CA5A: variants seen among roughly 807,000 people sequenced by gnomAD.
The protein encoded by CA5A is carbonic anhydrase 5A, mitochondrial.
A neutral mutation model predicts 37.1 loss-of-function variants in CA5A; 28 were observed. That is an observed-to-expected ratio of 0.75 (90% CI 0.56 to 1.03). The LOEUF is 1.03. CA5A is among the 50% of genes least tolerant of loss of function. The probability of loss-of-function intolerance (pLI) is 0.00; values close to 1 mark genes in which losing one functional copy is unlikely to be tolerated. For missense variants in CA5A, 444 were observed against 399.9 expected (o/e 1.11, Z -0.94); for synonymous variants, 171 against 158.4 (o/e 1.08, Z -0.60).
chr16:87,902,627 C>T, intron 3 of CA5A, 107 bp from the exon 4 acceptor site: 1 of 707,250 alleles, frequency 1.4e-6, no homozygotes, highest in Non-Finnish European at 2.6e-6. Context: ...AATGAAATGG[C>T]CAGGCGCGGT....
intron 2 of CA5A, among the ~76,000 whole-genome samples, chr16:87,915,598 A>T (rs2056127179): frequency 9.6e-6 from 1 of 103,858 alleles, no homozygotes; most frequent in Non-Finnish European, 1.7e-5. Flanking sequence ...CTGAGGTGGG[A>T]GGATCAATTG....
At position 87,936,528 on chromosome 16, in the gene CA5A, C is replaced by T. The variant is rs1597597422; in HGVS notation, c.-78G>A. 1.3e-6 allele frequency: 2 copies of T among 1,577,016 alleles called. No individual in the cohort carries two copies. Among genetic ancestry groups the T allele is most frequent in the Middle Eastern group, 2.3e-4 (1 of 4,306 alleles). ...TCTGTTCTCACTTTGATCAGGACCACTGTGGACTGGCGTGTACCCACCTCT... is the reference window on the plus strand; with the variant it reads ...TCTGTTCTCACTTTGATCAGGACCATTGTGGACTGGCGTGTACCCACCTCT... On this transcript the variant is annotated 5_prime_UTR_variant, in exon 1 of 7. It adds an upstream start codon to the 5' untranslated region. Transcript: ENST00000649794.
intron 5 of CA5A, among the ~76,000 whole-genome samples, chr16:87,896,302 T>C (rs552783859): frequency 4.1e-4 from 62 of 152,282 alleles, no homozygotes; most frequent in Non-Finnish European, 6.9e-4. Flanking sequence ...GTAGGTTTCT[T>C]GCCAATTAAG....
At chr16:87,918,785 T>C (rs2056190947) in intron 2 of CA5A, among the ~76,000 whole-genome samples, 1 of 152,164 alleles carries the variant, frequency 6.6e-6, no homozygotes, top group African/African-American at 2.4e-5. Flanking sequence ...GTCCTTCATC[T>C]GAGGTTCTCA....
intron 6 of CA5A, among the ~76,000 whole-genome samples, chr16:87,888,996 C>T (rs563194868): frequency 3.8e-4 from 58 of 151,514 alleles, no homozygotes; most frequent in South Asian, 1.7e-3. Context: ...CTTTGCTCAC[C>T]GCAACTTCTG....
At chr16:87,898,816 C>G (rs992779990) in intron 5 of CA5A, among the ~76,000 whole-genome samples, 1 of 149,276 alleles carries the variant, frequency 6.7e-6, no homozygotes, top group African/African-American at 2.5e-5. Context: ...CTCACTGCAA[C>G]CTCCGTCTCC....
At chr16:87,896,842 G>T (rs892383958) in intron 5 of CA5A, among the ~76,000 whole-genome samples, 8 of 152,196 alleles carry the variant, frequency 5.3e-5, no homozygotes, top group African/African-American at 1.9e-4. Flanking sequence ...GTTTCTCTAT[G>T]TTGGTCAGGC....
downstream of CA5A, chr16:87,887,241 G>A (rs143181315): frequency 0.013 from 1,970 of 151,810 alleles, 19 homozygotes; most frequent in Non-Finnish European, 0.02. Flanking sequence ...ATCAAATTGT[G>A]TATGTTTTCT....
intron 3 of CA5A, 111 bp from the exon 4 acceptor site, chr16:87,902,631 G>A (rs1387245231): frequency 1.7e-5 from 12 of 692,666 alleles, no homozygotes; most frequent in Middle Eastern, 2.7e-4. Context: ...AAATGGCCAG[G>A]CGCGGTGGCT....
At chr16:87,932,342 C>T (rs1311195676) in intron 1 of CA5A, among the ~76,000 whole-genome samples, 5 of 152,190 alleles carry the variant, frequency 3.3e-5, no homozygotes, top group Non-Finnish European at 5.9e-5. Flanking sequence ...TTCCCTGGCT[C>T]ACAGAGACAC....
chr16:87,889,757 G>C (rs925952596), intron 6 of CA5A, among the ~76,000 whole-genome samples: 2 of 151,878 alleles, frequency 1.3e-5, no homozygotes, highest in African/African-American at 4.8e-5. Flanking sequence ...GGCAAGAAGA[G>C]GGAAACTCCA....
chr16:87,898,464 A>C (rs2055832817), intron 5 of CA5A, among the ~76,000 whole-genome samples: 1 of 152,228 alleles, frequency 6.6e-6, no homozygotes, highest in Non-Finnish European at 1.5e-5. Context: ...TCATTCTAAA[A>C]TTTCATGGGC....
At chr16:87,921,627 C>G (rs534333132) in intron 2 of CA5A, among the ~76,000 whole-genome samples, 5 of 152,300 alleles carry the variant, frequency 3.3e-5, no homozygotes, top group East Asian at 1.9e-4. Flanking sequence ...TTCTGGACCC[C>G]GTGAATGGGA....
chr16:87,935,955 G>A (rs897927933), intron 1 of CA5A, among the ~76,000 whole-genome samples: 6 of 152,026 alleles, frequency 3.9e-5, no homozygotes, highest in East Asian at 1.9e-4. Flanking sequence ...GGCGGATCGC[G>A]AGGTTAGGAG....
chr16:87,908,039 G>A (rs1459121600), intron 2 of CA5A, among the ~76,000 whole-genome samples: 1 of 152,212 alleles, frequency 6.6e-6, no homozygotes, highest in African/African-American at 2.4e-5. Flanking sequence ...ACCCTCATGG[G>A]ATGAATGAAT....
intron 1 of CA5A, among the ~76,000 whole-genome samples, chr16:87,932,195 C>CG (rs1345799868): frequency 1.3e-5 from 2 of 152,132 alleles, no homozygotes; most frequent in African/African-American, 4.8e-5. Context: ...CTCTACCCCC[C>CG]CTCCCACGGC....
At chr16:87,901,356 A>T (rs932193053) in intron 5 of CA5A, among the ~76,000 whole-genome samples, 3 of 152,206 alleles carry the variant, frequency 2.0e-5, no homozygotes, top group African/African-American at 7.2e-5. Context: ...TGAGCTCAAC[A>T]CCCTTATTTT....
intron 2 of CA5A, chr16:87,924,321 C>A (rs766107241): frequency 2.0e-6 from 2 of 984,978 alleles, no homozygotes; most frequent in East Asian, 1.1e-4. Flanking sequence ...ATACAGGCAG[C>A]GTGGCTCCTT....
At chr16:87,901,123 G>A (rs2055871783) in intron 5 of CA5A, among the ~76,000 whole-genome samples, 1 of 152,186 alleles carries the variant, frequency 6.6e-6, no homozygotes, top group Non-Finnish European at 1.5e-5. Context: ...CCAGCCGCAT[G>A]GGAGGCTGAG....
Sources: allele counts gnomAD v4.1 joint callset (sites outside exome capture counted in the v4.1 genomes callset), GRCh38; gene constraint gnomAD v4.1.1; transcripts MANE v1.5; gene names NCBI Gene and HGNC (gene_info 2026-07-23, HGNC 2026-07-21).